The following SNX7 variants were observed in gnomAD, a reference collection of about 807,000 sequenced individuals.
The protein encoded by SNX7 is sorting nexin 7.
Under a neutral mutation model 48.4 loss-of-function variants are expected in SNX7, and 35 were observed. The ratio of observed to expected loss-of-function variants is 0.72; its 90% CI spans 0.55 to 0.96. The LOEUF (loss-of-function observed/expected upper bound fraction) is 0.96. SNX7 is among the 40% of genes least tolerant of loss of function. The pLI, the probability that SNX7 is intolerant of heterozygous loss-of-function variation, is 0.00. For missense variants in SNX7, 553 were observed against 548.9 expected, an observed-to-expected ratio of 1.01 and a Z score of -0.07; for synonymous variants, 190 against 190.2, an observed-to-expected ratio of 1.00 and a Z score of 0.01.
At chr1:98,664,312 G>C (rs1649423583) in intron 1 of SNX7, among the ~76,000 whole-genome samples, 1 of 152,144 alleles carries the variant, frequency 6.6e-6, no homozygotes, top group Non-Finnish European at 1.5e-5. Context: ...CGGATCACTT[G>C]AAGTCAGGAG....
At chr1:98,691,968 A>C (rs542098513) in intron 4 of SNX7, among the ~76,000 whole-genome samples, 6 of 81,980 alleles carry the variant, frequency 7.3e-5, no homozygotes, top group East Asian at 6.2e-4. Context: ...CTCTCTCTCT[A>C]ATGTTTTTAT....
intron 8 of SNX7, among the ~76,000 whole-genome samples, chr1:98,743,174 A>T (rs1179518199): frequency 6.6e-6 from 1 of 151,934 alleles, no homozygotes; most frequent in Non-Finnish European, 1.5e-5. Flanking sequence ...TTTATGTGAG[A>T]TTCTGTTATC....
intron 2 of SNX7, among the ~76,000 whole-genome samples, chr1:98,686,215 T>C (rs906515184): frequency 3.9e-5 from 6 of 152,204 alleles, no homozygotes; most frequent in Non-Finnish European, 8.8e-5. Context: ...GAAATAGTTA[T>C]TCTTCCTCTG....
chr1:98,713,328 C>T (rs938509471), intron 7 of SNX7, among the ~76,000 whole-genome samples: 1 of 152,116 alleles, frequency 6.6e-6, no homozygotes, highest in Non-Finnish European at 1.5e-5. Flanking sequence ...TTCTCCTAGC[C>T]TTCATAAAAT....
At chr1:98,661,587 C>T, upstream of SNX7, 1 of 756,510 alleles carries the variant, frequency 1.3e-6, no homozygotes, top group Non-Finnish European at 1.7e-6. Flanking sequence ...CAGCGCTGGT[C>T]CCGGCAGTTC....
chr1:98,694,225 C>A (rs1310709080), intron 4 of SNX7, among the ~76,000 whole-genome samples: 2 of 151,948 alleles, frequency 1.3e-5, no homozygotes, highest in South Asian at 4.1e-4. Context: ...AAAAAATTAG[C>A]CGGGCGCGGT....
At chr1:98,726,921 G>GT (rs1428595761) in intron 7 of SNX7, among the ~76,000 whole-genome samples, 9 of 152,088 alleles carry the variant, frequency 5.9e-5, no homozygotes, top group African/African-American at 2.2e-4. Flanking sequence ...TAAAAATAAA[G>GT]TTTTTTTGGC....
chr1:98,755,329 A>T (rs1021297533), intron 8 of SNX7, among the ~76,000 whole-genome samples: 1 of 152,038 alleles, frequency 6.6e-6, no homozygotes, highest in African/African-American at 2.4e-5. Flanking sequence ...TGTGGTTCAG[A>T]TCTTATATAT....
intron 6 of SNX7, among the ~76,000 whole-genome samples, 193 bp downstream of exon 6, chr1:98,699,098 G>T (rs1351689314): frequency 6.6e-6 from 1 of 152,088 alleles, no homozygotes; most frequent in East Asian, 1.9e-4. Flanking sequence ...TTAAAAAGCA[G>T]GAATACTCAA....
intron 2 of SNX7, among the ~76,000 whole-genome samples, chr1:98,686,858 C>T (rs974186741): frequency 6.6e-6 from 1 of 152,006 alleles, no homozygotes; most frequent in African/African-American, 2.4e-5. Context: ...TGTCATTATC[C>T]ATTCTAGCAA....
chr1:98,687,716 A>T (rs192521150), intron 2 of SNX7, among the ~76,000 whole-genome samples: 152 of 152,254 alleles, frequency 1.0e-3, no homozygotes, highest in African/African-American at 3.4e-3. Context: ...GGTAATAAAG[A>T]CATACCCAGT....
At chr1:98,666,656 G>C (rs1487996510) in intron 1 of SNX7, among the ~76,000 whole-genome samples, 1 of 152,136 alleles carries the variant, frequency 6.6e-6, no homozygotes, top group Non-Finnish European at 1.5e-5. Context: ...TCTATGATGT[G>C]ACCTGCCACT....
intron 7 of SNX7, among the ~76,000 whole-genome samples, chr1:98,711,165 C>T (rs543329845): frequency 1.4e-4 from 21 of 152,024 alleles, no homozygotes; most frequent in African/African-American, 4.1e-4. Flanking sequence ...TACAGGTACA[C>T]GCCACCACGC....
intron 7 of SNX7, among the ~76,000 whole-genome samples, chr1:98,728,077 C>T (rs919032291): frequency 2.0e-5 from 3 of 152,080 alleles, no homozygotes; most frequent in African/African-American, 7.2e-5. Context: ...TCCCAAGACA[C>T]ATAATCTTCA....
At chr1:98,758,228 A>G (rs1370841294) in intron 8 of SNX7, among the ~76,000 whole-genome samples, 1 of 152,096 alleles carries the variant, frequency 6.6e-6, no homozygotes, top group East Asian at 1.9e-4. Context: ...TTTGAAAAAT[A>G]TACTAAATGT....
intron 7 of SNX7, among the ~76,000 whole-genome samples, chr1:98,712,523 T>C (rs1652367968): frequency 6.6e-6 from 1 of 152,160 alleles, no homozygotes; most frequent in South Asian, 2.1e-4. Context: ...GCAGTAGATC[T>C]CAAGAGTGGG....
At chr1:98,747,026 T>G (rs552543997) in intron 8 of SNX7, among the ~76,000 whole-genome samples, 16 of 152,178 alleles carry the variant, frequency 1.1e-4, no homozygotes, top group Admixed American at 1.0e-3. Context: ...AAAACTTAAT[T>G]TTCTTCAAAA....
chr1:98,661,856 A>G lies in SNX7; in HGVS notation c.125A>G (p.Gln42Arg). The change falls in exon 1 of 9, where the codon CAG becomes CGG. Residue 42 changes from glutamine to arginine, a missense_variant. By Grantham distance (43) the Gln-to-Arg change is conservative (BLOSUM62 1). Coordinates refer to ENST00000306121, the MANE Select transcript of SNX7 (RefSeq NM_015976.5). Reference protein sequence around the residue: ...PGSSGSSALLQAEVLDLDEDE... With the variant: ...PGSSGSSALLRAEVLDLDEDE... ...AGCAGTGGCTCTTCCGCCCTGCTGCAGGCGGAGGTGCTGGATCTGGACGAG... is the reference window on the plus strand; with the variant it reads ...AGCAGTGGCTCTTCCGCCCTGCTGCGGGCGGAGGTGCTGGATCTGGACGAG... 1 of 1,246,614 alleles carries G rather than the reference A, an allele frequency of 8.0e-7. No homozygotes were observed. The highest frequency in any genetic ancestry group is 1.0e-6 in the Non-Finnish European group (1 of 987,362). The allele number at this position is 1,246,614 out of a possible 1,614,324, so 77.2% of individuals were successfully genotyped here.
chr1:98,721,536 A>G (rs1396404880), intron 7 of SNX7, among the ~76,000 whole-genome samples: 1 of 152,104 alleles, frequency 6.6e-6, no homozygotes, highest in Non-Finnish European at 1.5e-5. Flanking sequence ...AAAATAAGTC[A>G]CTTTTATACT....
Sources: gnomAD v4.1 joint callset for allele counts (sites outside exome capture counted in the v4.1 genomes callset) on GRCh38, gnomAD v4.1.1 for gene constraint, MANE v1.5 for transcripts, NCBI Gene and HGNC (gene_info 2026-07-23, HGNC 2026-07-21) for gene names.